Variants in CCNH observed in about 807,000 individuals in gnomAD.
CCNH encodes the protein cyclin-H.
CCNH carries 31 observed loss-of-function variants against 41.9 expected under a neutral mutation model. That is an observed-to-expected ratio of 0.74 (90% CI 0.56 to 1.00). The LOEUF is 1.00. Among genes scored for constraint, CCNH ranks in the 50% least tolerant of loss-of-function variants. The probability of loss-of-function intolerance (pLI) is 0.00; values close to 1 mark genes in which losing one functional copy is unlikely to be tolerated. For missense variants in CCNH, 362 were observed against 388.4 expected, an observed-to-expected ratio of 0.93 and a Z score of 0.57; for synonymous variants, 138 against 136.1, an observed-to-expected ratio of 1.01 and a Z score of -0.10.
chr5:87,396,682 G>A (rs1386149589), intron 7 of CCNH, among the ~76,000 whole-genome samples: 1 of 151,970 alleles, frequency 6.6e-6, no homozygotes, highest in Non-Finnish European at 1.5e-5. Context: ...AAGCAATACA[G>A]ATGAAATATA....
At chr5:87,323,455 G>A (rs1000158306) in intron 9 of CCNH, among the ~76,000 whole-genome samples, 1 of 152,078 alleles carries the variant, frequency 6.6e-6, no homozygotes, top group South Asian at 2.1e-4. Flanking sequence ...GTGCTCATAG[G>A]GTTATTGCTG....
chr5:87,351,495 A>G (rs920871200), intron 9 of CCNH, among the ~76,000 whole-genome samples: 2 of 151,794 alleles, frequency 1.3e-5, no homozygotes, highest in African/African-American at 4.8e-5. Flanking sequence ...GAAGAAGAAG[A>G]GTGCACATGG....
the CCNH span, among the ~76,000 whole-genome samples, chr5:87,313,056 G>C: frequency 6.6e-6 from 1 of 152,172 alleles, no homozygotes; most frequent in African/African-American, 2.4e-5. Flanking sequence ...GGCTGAACAG[G>C]CGTCTTACAA....
At position 87,338,534 on chromosome 5, in the gene CCNH, A is replaced by ATATATATATATATATATAT. The variant is rs1561292504; in HGVS notation, c.*91-19638_*91-19637insATATATATATATATATATA. On this transcript the variant is annotated intron_variant and NMD_transcript_variant, in intron 9 of 9. Coordinates refer to the CCNH transcript ENST00000645953. The stretch of plus-strand genomic sequence containing the variant: ...ATATATATATATATATATATATATA[A>ATATATATATATATATATAT]AATTTTTTTTTTTTTTAAGTAGAAA... Among the ~76,000 whole-genome samples the ATATATATATATATATATAT allele has an allele frequency of 7.8e-4, 36 of 46,080 alleles. 2 individuals are homozygous for ATATATATATATATATATAT. Among genetic ancestry groups the ATATATATATATATATATAT allele is most frequent in the Non-Finnish European group, 1.1e-3 (24 of 21,386 alleles). The allele number at this position is 46,080 out of a possible 152,430, so 30.2% of individuals were successfully genotyped here.
chr5:87,394,193 A>AAAT (rs1554051987), downstream of CCNH: 2 of 1,081,362 alleles, frequency 1.8e-6, no homozygotes, highest in African/African-American at 1.6e-5. Context: ...TTTGCTTAAA[A>AAAT]AATTAGGCAA....
At chr5:87,311,999 G>A in the CCNH span, among the ~76,000 whole-genome samples, 1 of 152,210 alleles carries the variant, frequency 6.6e-6, no homozygotes. Flanking sequence ...GCATACTGGT[G>A]ATATATAAGG....
chr5:87,360,904 G>C (rs144518252), intron 9 of CCNH, among the ~76,000 whole-genome samples: 1 of 152,072 alleles, frequency 6.6e-6, no homozygotes, highest in African/African-American at 2.4e-5. Context: ...TCATTTATGA[G>C]CAGAAAATAA....
rs773062508 is a variant in CCNH, at chr5:87,399,385, T to A, written c.872+9A>T. 1 of 1,591,592 alleles carries A rather than the reference T, an allele frequency of 6.3e-7. No homozygotes were observed. Among genetic ancestry groups the A allele is most frequent in the South Asian group, 1.1e-5 (1 of 90,626 alleles). ...ATGTCTATTGATTAACACTGTCACA[T>A]TAACTTACGTGATTACGTTAAGTGC... On this transcript the variant is annotated intron_variant, in intron 7 of 8. Coordinates refer to ENST00000256897, the MANE Select transcript of CCNH (RefSeq NM_001239.4).
At chr5:87,377,392 G>A (rs189855108), upstream of CCNH, among the ~76,000 whole-genome samples, 806 of 152,232 alleles carry the variant, frequency 5.3e-3, 5 homozygotes, top group Non-Finnish European at 8.5e-3. Context: ...GTGCAGTGGC[G>A]CAGTCTCGGC....
Position 87,394,480 on chromosome 5 carries a change from T to A in CCNH, c.938A>T (p.Glu313Val). ...TTCTACCAGGTCGTCATCAGTCCAT[T>A]CTTCCTAAGAAGGAAAAAAAGTGTG... ...VSKKSKHEEEEWTDDDLVESL is the reference protein window; with the variant it reads ...VSKKSKHEEEVWTDDDLVESL Residue 313 changes from glutamate to valine, a missense_variant, in exon 9 of 9, where the codon GAA (glutamate) becomes GTA (valine). Transcript: ENST00000256897. 4.3e-6 allele frequency: 7 copies of A among 1,613,594 alleles called. No homozygotes were observed. Among genetic ancestry groups the A allele is most frequent in the Non-Finnish European group, 5.1e-6 (6 of 1,179,688 alleles).
chr5:87,323,484 G>T (rs1255095565), intron 9 of CCNH, among the ~76,000 whole-genome samples: 3 of 152,150 alleles, frequency 2.0e-5, no homozygotes, highest in Non-Finnish European at 2.9e-5. Context: ...TGAAAGGACA[G>T]ATCTGAGAAT....
intron 9 of CCNH, among the ~76,000 whole-genome samples, chr5:87,348,716 C>G (rs557902469): frequency 6.6e-6 from 1 of 151,690 alleles, no homozygotes; most frequent in South Asian, 2.1e-4. Context: ...AAGTGATCCT[C>G]CTGGATAGCT....
At chr5:87,402,660 ACAT>A (rs959485368) in intron 5 of CCNH, among the ~76,000 whole-genome samples, 4 of 152,154 alleles carry the variant, frequency 2.6e-5, no homozygotes, top group African/African-American at 9.7e-5. Context: ...GTTTGATATT[ACAT>A]CATCATCATC....
intron 9 of CCNH, chr5:87,363,471 C>A: frequency 6.2e-7 from 1 of 1,612,412 alleles, no homozygotes; most frequent in South Asian, 1.1e-5. Flanking sequence ...AGTGTATGTT[C>A]TGTCTATGTC....
At position 87,394,435 on chromosome 5, in the gene CCNH, A is replaced by C; in HGVS notation, c.*11T>G. Reference sequence around the variant, plus strand: ...TTGATTAGTTAGCATTGAGAAATCAACTTCAAATGGTTAGAGAGATTCTAC... The same window carrying C: ...TTGATTAGTTAGCATTGAGAAATCACCTTCAAATGGTTAGAGAGATTCTAC... On this transcript the variant is annotated 3_prime_UTR_variant, in exon 9 of 9. Transcript: ENST00000256897. The C allele has an allele frequency of 1.2e-6, 2 of 1,612,128 alleles. No individual in the cohort carries two copies. The highest frequency in any genetic ancestry group is 4.5e-5 in the East Asian group (2 of 44,766).
downstream of CCNH, chr5:87,392,627 C>T (rs1762605407): frequency 1.2e-5 from 3 of 241,866 alleles, no homozygotes; most frequent in Non-Finnish European, 2.5e-5. Flanking sequence ...TTTATCACAC[C>T]TCAATCTTTA....
At chr5:87,386,808 A>C (rs754889152), downstream of CCNH, 7 of 1,606,342 alleles carry the variant, frequency 4.4e-6, no homozygotes, top group East Asian at 1.6e-4. Flanking sequence ...CATATAACAG[A>C]AGCATTTTAT....
intron 9 of CCNH, among the ~76,000 whole-genome samples, chr5:87,384,043 C>T (rs1228684331): frequency 6.6e-6 from 1 of 151,924 alleles, no homozygotes; most frequent in Admixed American, 6.6e-5. Context: ...CTATTTGTGT[C>T]TCAAACCTTT....
At chr5:87,336,493 T>G (rs1477697757) in intron 9 of CCNH, among the ~76,000 whole-genome samples, 2 of 152,094 alleles carry the variant, frequency 1.3e-5, no homozygotes, top group African/African-American at 4.8e-5. Context: ...TAAAAATACC[T>G]TAAAAATTAA....
Sources: gnomAD v4.1 joint callset for allele counts (sites outside exome capture counted in the v4.1 genomes callset) on GRCh38, gnomAD v4.1.1 for gene constraint, MANE v1.5 for transcripts, NCBI Gene and HGNC (gene_info 2026-07-23, HGNC 2026-07-21) for gene names.